COL4A1: variants seen among roughly 807,000 people sequenced by gnomAD.
COL4A1 encodes collagen alpha-1(IV) chain.
Under a neutral mutation model 216.6 loss-of-function variants are expected in COL4A1, and 40 were observed. That is an observed-to-expected ratio of 0.18 (90% CI 0.14 to 0.24). COL4A1 has a LOEUF of 0.24. COL4A1 is among the 10% of genes least tolerant of loss of function. The pLI is 1.00. For synonymous variants in COL4A1, 839 were observed against 810.7 expected, an observed-to-expected ratio of 1.03 and a Z score of -0.59; for missense variants, 1,628 against 2,196.8, an observed-to-expected ratio of 0.74 and a Z score of 5.18.
intron 1 of COL4A1, among the ~76,000 whole-genome samples, chr13:110,296,770 G>A (rs1884292828): frequency 6.6e-6 from 1 of 152,224 alleles, no homozygotes; most frequent in Non-Finnish European, 1.5e-5. Context: ...CTATTCTTCT[G>A]TCCATTGGTT....
At chr13:110,283,599 T>C (rs1028472928) in intron 1 of COL4A1, among the ~76,000 whole-genome samples, 2 of 152,192 alleles carry the variant, frequency 1.3e-5, no homozygotes, top group Admixed American at 6.5e-5. Context: ...CTCCCTCACA[T>C]ACAGGCACAC....
chr13:110,187,387 T>C (rs1343201023), intron 24 of COL4A1, 58 bp from the exon 25 acceptor site: 1 of 1,588,592 alleles, frequency 6.3e-7, no homozygotes, highest in Non-Finnish European at 8.6e-7. Flanking sequence ...CACACCAGTG[T>C]GACTGTAACA....
At chr13:110,167,908 T>G (rs58814158) in intron 43 of COL4A1, among the ~76,000 whole-genome samples, 19,376 of 152,138 alleles carry the variant, frequency 0.13, 1,451 homozygotes, top group East Asian at 0.26. Context: ...CAAAATAACA[T>G]GAACAAATAT....
chr13:110,193,362 G>A (rs1394572102), intron 22 of COL4A1, among the ~76,000 whole-genome samples: 1 of 152,156 alleles, frequency 6.6e-6, no homozygotes, highest in African/African-American at 2.4e-5. Flanking sequence ...GTGGACTTGG[G>A]AATAAGAAGC....
chr13:110,183,387 G>A, intron 26 of COL4A1, 111 bp from the exon 27 acceptor site: 1 of 986,794 alleles, frequency 1.0e-6, no homozygotes, highest in Non-Finnish European at 1.6e-6. Flanking sequence ...AGCACCACGA[G>A]TGCCCGGAGA....
At chr13:110,213,755 T>C in intron 4 of COL4A1, 27 bp downstream of exon 4, 1 of 1,612,528 alleles carries the variant, frequency 6.2e-7, no homozygotes, top group South Asian at 1.1e-5. Context: ...CATGGAATCA[T>C]CGATTGTGAG....
Position 110,247,635 on chromosome 13 carries a change from AT to A in COL4A1, c.85-4902del, listed in dbSNP as rs1881877289. On this transcript the variant is annotated intron_variant, in intron 1 of 51. Transcript: ENST00000375820. ...ATGGTTTTAATAAGAAATAAAGCCT[AT>A]TTCTGGTTTTCTCGCATCTACAGAC... Among the ~76,000 whole-genome samples the A allele has an allele frequency of 2.6e-5, 4 of 151,900 alleles. No individual in the cohort carries two copies. The South Asian group carries it at 8.3e-4, about 31-fold the overall frequency.
At chr13:110,291,226 CTT>C (rs1470405561) in intron 1 of COL4A1, among the ~76,000 whole-genome samples, 3 of 152,236 alleles carry the variant, frequency 2.0e-5, no homozygotes, top group Admixed American at 6.5e-5. Flanking sequence ...CCACTTGTCT[CTT>C]TGATCATCTT....
At chr13:110,261,451 T>C (rs1326342377) in intron 1 of COL4A1, among the ~76,000 whole-genome samples, 1 of 152,232 alleles carries the variant, frequency 6.6e-6, no homozygotes, top group Non-Finnish European at 1.5e-5. Flanking sequence ...GCTGTTTAGA[T>C]TTGGAGAGCA....
At chr13:110,243,648 T>G (rs7999790) in intron 1 of COL4A1, among the ~76,000 whole-genome samples, 29,779 of 152,142 alleles carry the variant, frequency 0.2, 3,342 homozygotes, top group African/African-American at 0.3. Context: ...AAAAATTAAC[T>G]TTTAAAATGG....
At position 110,269,733 on chromosome 13, in the gene COL4A1, G is replaced by A. The variant is rs959948839; in HGVS notation, c.85-26999C>T. 3.9e-5 allele frequency among the ~76,000 whole-genome samples: 6 copies of A among 152,076 alleles called. No individual in the cohort carries two copies. In the South Asian group the frequency reaches 6.2e-4, roughly 16 times the overall value. The stretch of plus-strand genomic sequence containing the variant: ...GCCAGCTGACCACAGGGCGCATCCC[G>A]ATTGCATGCCCTGGACACCATCAAC... On this transcript the variant is annotated intron_variant, in intron 1 of 51. Coordinates refer to ENST00000375820, the MANE Select transcript of COL4A1 (RefSeq NM_001845.6).
At chr13:110,158,739 C>T (rs1594532906) in intron 49 of COL4A1, among the ~76,000 whole-genome samples, 7 of 105,832 alleles carry the variant, frequency 6.6e-5, no homozygotes, top group Non-Finnish European at 7.6e-5. Context: ...AAGAAATAAA[C>T]TTTTTTTTTT....
At chr13:110,161,820 A>G in intron 48 of COL4A1, 1 of 326,238 alleles carries the variant, frequency 3.1e-6, no homozygotes, top group Non-Finnish European at 5.8e-6. Flanking sequence ...AGAGGAGCAG[A>G]GCTCAGCAGC....
chr13:110,184,701 TGTTTTG>T (rs771636964), intron 26 of COL4A1, among the ~76,000 whole-genome samples: 23 of 136,094 alleles, frequency 1.7e-4, no homozygotes, highest in Non-Finnish European at 2.5e-4. Context: ...TGTGTGTGTG[TGTTTTG>T]TTTGTTTGTT....
intron 2 of COL4A1, among the ~76,000 whole-genome samples, chr13:110,219,607 T>C (rs1227846800): frequency 6.7e-6 from 1 of 149,798 alleles, no homozygotes; most frequent in African/African-American, 2.5e-5. Flanking sequence ...CACCTCAGCT[T>C]ATGATGGGGT....
chr13:110,299,787 C>A (rs1316177983), intron 1 of COL4A1, among the ~76,000 whole-genome samples: 1 of 152,170 alleles, frequency 6.6e-6, no homozygotes, highest in Non-Finnish European at 1.5e-5. Flanking sequence ...GGTCCTTAGT[C>A]TGGTGGTAGC....
intron 1 of COL4A1, among the ~76,000 whole-genome samples, chr13:110,299,610 C>A (rs915740338): frequency 4.6e-5 from 7 of 152,210 alleles, no homozygotes; most frequent in Admixed American, 2.0e-4. Flanking sequence ...CACACATTTC[C>A]CTGCAGGGCC....
chr13:110,183,321 C>T (rs1471627103), intron 26 of COL4A1, 45 bp from the exon 27 acceptor site: 1 of 1,568,350 alleles, frequency 6.4e-7, no homozygotes, highest in Non-Finnish European at 8.7e-7. Context: ...GGAATGAGGA[C>T]CACACGGAAC....
chr13:110,185,024 T>C (rs778737407), intron 26 of COL4A1, among the ~76,000 whole-genome samples: 24 of 152,206 alleles, frequency 1.6e-4, no homozygotes, highest in Non-Finnish European at 2.6e-4. Context: ...TAGGAATTCA[T>C]AAAACAGGCT....
Sources: gnomAD v4.1 joint callset for allele counts (sites outside exome capture counted in the v4.1 genomes callset) on GRCh38, gnomAD v4.1.1 for gene constraint, MANE v1.5 for transcripts, NCBI Gene and HGNC (gene_info 2026-07-23, HGNC 2026-07-21) for gene names.